Variants in CLN6 observed in about 807,000 individuals in gnomAD.
CLN6 encodes CLN6 transmembrane ER protein, also known as ceroid-lipofuscinosis neuronal protein 6.
Under a neutral mutation model 33.3 loss-of-function variants are expected in CLN6, and 22 were observed. That is an observed-to-expected ratio of 0.66 (90% confidence interval 0.47 to 0.94). The LOEUF (loss-of-function observed/expected upper bound fraction) is 0.94. Among genes scored for constraint, CLN6 ranks in the 40% least tolerant of loss-of-function variants. The probability of loss-of-function intolerance (pLI) is 0.00; values close to 1 mark genes in which losing one functional copy is unlikely to be tolerated. For synonymous variants in CLN6, 201 were observed against 174.6 expected (o/e 1.15, Z -1.19); for missense variants, 387 against 417.1 (o/e 0.93, Z 0.63).
chr15:68,254,621 GC>G, intron 1 of CLN6: 1 of 636,166 alleles, frequency 1.6e-6, no homozygotes, highest in Non-Finnish European at 2.8e-6. Flanking sequence ...CGCCGCCGTT[GC>G]CGCCACCACC....
In CLN6 at chr15:68,220,321, G is replaced by C. The variant is rs967892587; in HGVS notation, c.84-1671C>G. Among the ~76,000 whole-genome samples the C allele has an allele frequency of 3.3e-5, 5 of 152,224 alleles. No homozygotes were observed. The highest frequency in any genetic ancestry group is 7.3e-5 in the Non-Finnish European group (5 of 68,046). On this transcript the variant is annotated intron_variant, in intron 1 of 6. Coordinates refer to ENST00000249806, the MANE Select transcript of CLN6 (RefSeq NM_017882.3). This position sits in a 1 kb window ranked among gnomAD's most constrained non-coding sequence, Gnocchi z 4.2. ...TCTGCTTTACAGATGAGGATACTGA[G>C]GCTTAGAGGGATTAGGTGCTTAGCC... is the stretch of plus-strand genomic sequence containing the variant.
chr15:68,229,611 G>C lies in CLN6; in HGVS notation c.-27C>G, dbSNP rs1024665053. 6.9e-7 allele frequency: 1 copy of C among 1,445,614 alleles called. No homozygotes were observed. Among genetic ancestry groups the C allele is most frequent in the South Asian group, 1.3e-5 (1 of 76,022 alleles). The allele number at this position is 1,445,614 out of a possible 1,614,324, so 89.5% of individuals were successfully genotyped here. On this transcript the variant is annotated 5_prime_UTR_variant, in exon 1 of 7. Coordinates refer to ENST00000249806, the MANE Select transcript of CLN6 (RefSeq NM_017882.3). ...GCTGCCCCGCAGGCCCCTCGGCCCT[G>C]CCTTTCCGAGGAAGAGACCGGTTCA... is the stretch of plus-strand genomic sequence containing the variant.
At position 68,236,286 on chromosome 15, in the gene CLN6, C is replaced by G. The variant is rs187006114; in HGVS notation, c.180-17636G>C. Among the ~76,000 whole-genome samples, 1 of 152,234 alleles carries G rather than the reference C, an allele frequency of 6.6e-6. No homozygotes were observed. Among genetic ancestry groups the G allele is most frequent in the East Asian group, 1.9e-4 (1 of 5,186 alleles). On this transcript the variant is annotated intron_variant, in intron 1 of 6. Transcript: ENST00000538696. The surrounding 1 kb of genome is among the most constrained non-coding windows in gnomAD (Gnocchi z 4.5). ...GGACCAAGAGCTCTGAAAAAAAAGTCCACAGAAAAACTTACAGATGAATGT... is the reference window on the plus strand; with the variant it reads ...GGACCAAGAGCTCTGAAAAAAAAGTGCACAGAAAAACTTACAGATGAATGT...
upstream of CLN6, among the ~76,000 whole-genome samples, chr15:68,231,428 G>A (rs961423491): frequency 1.2e-4 from 18 of 152,250 alleles, no homozygotes; most frequent in African/African-American, 4.1e-4. Context: ...GGTCAGCCAA[G>A]GACAGCACTC....
chr15:68,242,480 A>G lies in CLN6; in HGVS notation c.179+14210T>C, dbSNP rs1171737992. Among the ~76,000 whole-genome samples, 2 of 152,104 alleles carry G rather than the reference A, an allele frequency of 1.3e-5. No individual in the cohort carries two copies. Among genetic ancestry groups the G allele is most frequent in the East Asian group, 3.8e-4 (2 of 5,198 alleles). ...TAATAATTATTGGTGTTCAAGAGGG[A>G]GTTGAGCAAGAACAAGGGGTACAGA... On this transcript the variant is annotated intron_variant, in intron 1 of 6. Coordinates refer to the CLN6 transcript ENST00000538696. The surrounding 1 kb of genome is among the most constrained non-coding windows in gnomAD (Gnocchi z 5.0).
rs1053272311 is a variant in CLN6 at position 68,219,694 on chromosome 15, C to T, written c.84-1044G>A. Among the ~76,000 whole-genome samples the T allele has an allele frequency of 6.6e-5, 10 of 152,188 alleles. No homozygotes were observed. Among genetic ancestry groups the T allele is most frequent in the Non-Finnish European group, 1.2e-4 (8 of 68,044 alleles). On this transcript the variant is annotated intron_variant, in intron 1 of 6. Transcript: ENST00000249806. This position sits in a 1 kb window ranked among gnomAD's most constrained non-coding sequence, Gnocchi z 4.2. ...AGCTGTACTCTCCCATCTAGACCCT[C>T]GAGAACAGGGGTGACCTTTAAGGTT...
Position 68,256,852 on chromosome 15 carries a change from C to T in CLN6, c.17G>A (p.Gly6Glu), listed in dbSNP as rs1179190256. 1.4e-6 allele frequency: 1 copy of T among 695,338 alleles called. No individual in the cohort carries two copies. Among genetic ancestry groups the T allele is most frequent in the Non-Finnish European group, 2.6e-6 (1 of 381,654 alleles). 43.1% of individuals were successfully genotyped at this position (695,338 alleles called of 1,614,324 possible). Reference sequence around the variant, plus strand: ...CCTGCCTCTCGCTCGCCGCTCCTTCCCGGCAACGGCTGCCATTTTCCGCCC... The same window carrying T: ...CCTGCCTCTCGCTCGCCGCTCCTTCTCGGCAACGGCTGCCATTTTCCGCCC... Residue 6 changes from glycine to glutamate, a missense_variant, in exon 1 of 7, where the codon GGG becomes GAG. By Grantham distance (98) the Gly-to-Glu change is moderately conservative. Coordinates refer to the CLN6 transcript ENST00000538696. The surrounding 1 kb of genome is among the most constrained non-coding windows in gnomAD (Gnocchi z 4.1).
At chr15:68,250,451 C>A (rs1381277132) in intron 1 of CLN6, among the ~76,000 whole-genome samples, 1 of 151,776 alleles carries the variant, frequency 6.6e-6, no homozygotes, top group African/African-American at 2.4e-5. Flanking sequence ...ATGGTGAAAC[C>A]CCGTCTCTAC....
chr15:68,245,177 TA>T (rs1892318505), intron 1 of CLN6, among the ~76,000 whole-genome samples: 1 of 151,784 alleles, frequency 6.6e-6, no homozygotes, highest in Non-Finnish European at 1.5e-5. Context: ...TTTTGTGATC[TA>T]AGGTAAGTTA....
At chr15:68,239,070 C>A (rs918582437) in intron 1 of CLN6, among the ~76,000 whole-genome samples, 1 of 151,896 alleles carries the variant, frequency 6.6e-6, no homozygotes, top group Non-Finnish European at 1.5e-5. Context: ...GTTAAATGTG[C>A]ATGGTAAAAT....
upstream of CLN6, among the ~76,000 whole-genome samples, chr15:68,234,123 G>C (rs138152437): frequency 7.0e-4 from 106 of 152,294 alleles, no homozygotes; most frequent in African/African-American, 2.4e-3. The surrounding 1 kb of genome is among the most constrained non-coding windows in gnomAD (Gnocchi z 4.1). Flanking sequence ...AACTGAGAAT[G>C]GTGCTGGGAC....
chr15:68,223,744 GAA>G (rs570594236), intron 1 of CLN6, among the ~76,000 whole-genome samples: 4 of 140,782 alleles, frequency 2.8e-5, no homozygotes, highest in Non-Finnish European at 4.7e-5. Context: ...AGTAGGACAG[GAA>G]AAAAAAAAAA....
chr15:68,220,807 C>T lies in CLN6; in HGVS notation c.84-2157G>A, dbSNP rs2093233707. ...ACCTGGGTTTATGTTAATTCAAGAC[C>T]TGTGCTCTTAATAGCTTGCTATTCT... On this transcript the variant is annotated intron_variant, in intron 1 of 6. Transcript: ENST00000249806. This position sits in a 1 kb window ranked among gnomAD's most constrained non-coding sequence, Gnocchi z 4.2. 1.3e-5 allele frequency among the ~76,000 whole-genome samples: 2 copies of T among 152,132 alleles called. No individual in the cohort carries two copies. Among genetic ancestry groups the T allele is most frequent in the African/African-American group, 4.8e-5 (2 of 41,426 alleles).
intron 1 of CLN6, among the ~76,000 whole-genome samples, chr15:68,223,756 AAG>A (rs2093244300): frequency 6.6e-6 from 1 of 151,950 alleles, no homozygotes; most frequent in African/African-American, 2.4e-5. Flanking sequence ...AAAAAAAAAA[AAG>A]AGGGGGGCTG....
intron 2 of CLN6, 169 bp downstream of exon 2, chr15:68,218,367 G>C: frequency 1.7e-6 from 1 of 581,388 alleles, no homozygotes; most frequent in Non-Finnish European, 3.2e-6. Context: ...GCTGGCAGTT[G>C]CCTGACGGGC....
chr15:68,214,876 T>C (rs2093216366), intron 2 of CLN6: 1 of 220,570 alleles, frequency 4.5e-6, no homozygotes, highest in South Asian at 6.8e-5. Flanking sequence ...CAGATCAGTC[T>C]CCTGAGTGCT....
Position 68,211,319 on chromosome 15 carries a change from C to A in CLN6, c.487-1G>T, listed in dbSNP as rs2093204407. On this transcript the variant is annotated splice_acceptor_variant, in intron 4 of 6. Coordinates refer to ENST00000249806, the MANE Select transcript of CLN6 (RefSeq NM_017882.3). LOFTEE classifies it high-confidence loss of function. The surrounding 1 kb of genome is among the most constrained non-coding windows in gnomAD (Gnocchi z 5.9). ...AGTAGAGCAGCTCAAAGGAGTCGAT[C>A]TGAGGGAGGAACGGGCAGGGCAGAG... 6.2e-7 allele frequency: 1 copy of A among 1,613,860 alleles called. No individual in the cohort carries two copies. The highest frequency in any genetic ancestry group is 8.5e-7 in the Non-Finnish European group (1 of 1,180,020).
At position 68,256,689 on chromosome 15, in the gene CLN6, C is replaced by CT. The variant is rs1483303071; in HGVS notation, c.179dup (p.His61AlafsTer7). ...GCTGCTCTCATTGCCTTGAAACTTACTTTTTACCTTTGAATTTGAGTTTTC... is the reference window on the plus strand; with the variant it reads ...GCTGCTCTCATTGCCTTGAAACTTACTTTTTTACCTTTGAATTTGAGTTTTC... On this transcript the variant is annotated frameshift_variant and splice_region_variant. Transcript: ENST00000538696. This position sits in a 1 kb window ranked among gnomAD's most constrained non-coding sequence, Gnocchi z 4.1. 3.0e-6 allele frequency: 2 copies of CT among 666,536 alleles called. No homozygotes were observed. Among genetic ancestry groups the CT allele is most frequent in the African/African-American group, 1.8e-5 (1 of 55,720 alleles). The allele number at this position is 666,536 out of a possible 1,614,324, so 41.3% of individuals were successfully genotyped here. A position where few individuals can be genotyped will look rare whatever the true frequency, so the allele number is the denominator to read the frequency against.
chr15:68,229,525 C>T lies in CLN6; in HGVS notation c.60G>A (p.Leu20=), dbSNP rs1287378775. ...LGATGGPGAQ[L]GASFLQARHG... Reference sequence around the variant, plus strand: ...ACCTGGCCTGCAGGAAGGAGGCGCCCAGCTGCGCGCCTGGGCCGCCCGTCG... The same window carrying T: ...ACCTGGCCTGCAGGAAGGAGGCGCCTAGCTGCGCGCCTGGGCCGCCCGTCG... Residue 20 remains leucine, a synonymous_variant, in exon 1 of 7, where the codon CTG becomes CTA. Coordinates refer to ENST00000249806, the MANE Select transcript of CLN6 (RefSeq NM_017882.3). 2.7e-6 allele frequency: 4 copies of T among 1,467,160 alleles called. No individual in the cohort carries two copies. The African/African-American group carries it at 4.4e-5, about 16-fold the overall frequency. The allele number at this position is 1,467,160 out of a possible 1,614,324, so 90.9% of individuals were successfully genotyped here.
Sources: allele counts gnomAD v4.1 joint callset (sites outside exome capture counted in the v4.1 genomes callset), GRCh38; gene constraint gnomAD v4.1.1; non-coding constraint Gnocchi (gnomAD v3.1); transcripts MANE v1.5; gene names NCBI Gene and HGNC (gene_info 2026-07-23, HGNC 2026-07-21).